Variants in NLGN4X observed in about 807,000 individuals in gnomAD.
NLGN4X encodes the protein neuroligin 4 X-linked.
In NLGN4X, 3 loss-of-function variants were observed where a neutral mutation model predicts 40.3. The ratio of observed to expected loss-of-function variants is 0.07; its 90% confidence interval spans 0.03 to 0.19. The LOEUF is 0.19. Ranked by LOEUF, NLGN4X falls within the 10% of genes least tolerant of loss-of-function variation. The probability of loss-of-function intolerance (pLI) is 1.00; values close to 1 mark genes in which losing one functional copy is unlikely to be tolerated. For synonymous variants in NLGN4X, 270 were observed against 306.8 expected (o/e 0.88, Z 1.25); for missense variants, 382 against 708.3 (o/e 0.54, Z 5.23).
At chrX:6,028,810 A>G (rs1306933793) in intron 3 of NLGN4X, among the ~76,000 whole-genome samples, 3 of 112,637 alleles carry the variant, frequency 2.7e-5, no homozygotes, top group Non-Finnish European at 1.9e-5. Context: ...TGCAAATGCA[A>G]TGGAACCAAA....
intron 4 of NLGN4X, among the ~76,000 whole-genome samples, chrX:5,907,199 T>TA (rs1261836924): frequency 1.8e-5 from 2 of 112,097 alleles, no homozygotes; most frequent in Admixed American, 1.9e-4. Flanking sequence ...CTGAGACGGC[T>TA]ATTAGGAATA....
intron 1 of NLGN4X, among the ~76,000 whole-genome samples, chrX:6,221,785 T>G (rs7887235): frequency 9.1e-6 from 1 of 109,466 alleles, no homozygotes; most frequent in African/African-American, 3.4e-5. Flanking sequence ...CACAGTTCCA[T>G]GCTGAACAGC....
At chrX:5,997,023 A>C (rs916457541) in intron 3 of NLGN4X, among the ~76,000 whole-genome samples, 1 of 111,133 alleles carries the variant, frequency 9.0e-6, no homozygotes, top group Non-Finnish European at 1.9e-5. Flanking sequence ...AAAGAAAAAA[A>C]TTGTATGATT....
intron 5 of NLGN4X, among the ~76,000 whole-genome samples, chrX:5,894,855 A>T (rs1004296702): frequency 8.9e-5 from 10 of 112,319 alleles, no homozygotes; most frequent in Admixed American, 6.6e-4. Flanking sequence ...AATGTTATGT[A>T]CTAGTTAGCA....
At chrX:6,162,548 C>G (rs1391388588) in intron 1 of NLGN4X, among the ~76,000 whole-genome samples, 2 of 111,899 alleles carry the variant, frequency 1.8e-5, no homozygotes, top group Non-Finnish European at 3.8e-5. Context: ...AAACATCAGA[C>G]TCCAAGTCCT....
intron 2 of NLGN4X, among the ~76,000 whole-genome samples, chrX:6,030,394 A>ATGTGTGTG (rs35006258): frequency 0.037 from 3,665 of 100,077 alleles, 185 homozygotes; most frequent in African/African-American, 0.13. Flanking sequence ...GGATACAGAT[A>ATGTGTGTG]TGTGTGTGTG....
At chrX:6,214,333 G>A (rs1407997948) in intron 1 of NLGN4X, among the ~76,000 whole-genome samples, 1 of 111,236 alleles carries the variant, frequency 9.0e-6, no homozygotes, top group East Asian at 2.8e-4. Flanking sequence ...TTGGAGAGTT[G>A]ACAGGGCATA....
At chrX:6,017,715 G>GT (rs2036428792) in intron 3 of NLGN4X, among the ~76,000 whole-genome samples, 2 of 112,029 alleles carry the variant, frequency 1.8e-5, no homozygotes, top group Non-Finnish European at 1.9e-5. Context: ...GCAATATGCA[G>GT]TACCATAGTC....
At chrX:6,124,866 C>A (rs2039506830) in intron 2 of NLGN4X, among the ~76,000 whole-genome samples, 1 of 112,379 alleles carries the variant, frequency 8.9e-6, no homozygotes. Context: ...TTCAAGCACA[C>A]ACCGAACGTT....
rs1281980266 is a variant in NLGN4X, at chrX:6,136,123, G to C, written c.472+14872C>G. Among the ~76,000 whole-genome samples the C allele has an allele frequency of 6.3e-5, 7 of 111,736 alleles. No homozygotes were observed. The Admixed American group carries it at 6.7e-4, about 11-fold the overall frequency. Reference sequence around the variant, plus strand: ...TCTCCCAGGCTCATAGCTGCCATGAGCTATGATTGCAATGGTGCTATCATA... The same window carrying C: ...TCTCCCAGGCTCATAGCTGCCATGACCTATGATTGCAATGGTGCTATCATA... On this transcript the variant is annotated intron_variant, in intron 2 of 5. Transcript: ENST00000381095.
At chrX:6,067,892 A>C (rs1260441980) in intron 2 of NLGN4X, among the ~76,000 whole-genome samples, 1 of 111,376 alleles carries the variant, frequency 9.0e-6, no homozygotes, top group Non-Finnish European at 1.9e-5. Flanking sequence ...TCTCAACTCC[A>C]TTTAGGAGGA....
At chrX:6,161,364 ATAT>A (rs1251985885) in intron 1 of NLGN4X, among the ~76,000 whole-genome samples, 8 of 15,394 alleles carry the variant, frequency 5.2e-4, no homozygotes, top group African/African-American at 3.7e-3. Flanking sequence ...GATATATAAT[ATAT>A]TATTCTATAT....
chrX:5,907,924 A>G (rs1180990463), intron 4 of NLGN4X, among the ~76,000 whole-genome samples: 2 of 102,645 alleles, frequency 1.9e-5, no homozygotes, highest in African/African-American at 7.2e-5. Flanking sequence ...GGACAGAGGG[A>G]AAGGGGGGAA....
chrX:6,132,501 C>T (rs1335779522), intron 2 of NLGN4X, among the ~76,000 whole-genome samples: 1 of 111,681 alleles, frequency 9.0e-6, no homozygotes, highest in Admixed American at 9.5e-5. Context: ...TCACCACCTA[C>T]TCCATGTCAG....
chrX:6,136,935 A>G (rs1261467625), intron 2 of NLGN4X, among the ~76,000 whole-genome samples: 1 of 112,144 alleles, frequency 8.9e-6, no homozygotes, highest in Non-Finnish European at 1.9e-5. Flanking sequence ...AGGAACCAAA[A>G]ATGCAGACAT....
intron 3 of NLGN4X, chrX:5,991,420 C>G: frequency 1.9e-6 from 1 of 516,965 alleles, no homozygotes; most frequent in Non-Finnish European, 3.6e-6. Context: ...ACCTCTAATT[C>G]CATCCTCATT....
intron 2 of NLGN4X, among the ~76,000 whole-genome samples, chrX:6,062,631 T>C (rs1298993293): frequency 1.8e-5 from 2 of 110,922 alleles, no homozygotes; most frequent in Non-Finnish European, 3.8e-5. Flanking sequence ...GCTCTCATAA[T>C]CGTGGGAGGG....
chrX:6,126,425 C>A (rs902952144), intron 2 of NLGN4X, among the ~76,000 whole-genome samples: 1 of 111,011 alleles, frequency 9.0e-6, no homozygotes, highest in African/African-American at 3.3e-5. Context: ...ATTATTTGTA[C>A]ATAATGTCAC....
intron 2 of NLGN4X, among the ~76,000 whole-genome samples, chrX:6,032,190 A>G (rs1408574442): frequency 3.1e-5 from 3 of 98,231 alleles, no homozygotes; most frequent in Non-Finnish European, 4.0e-5. Flanking sequence ...GTTGGAATCA[A>G]TATGTTTGTG....
Sources: allele counts gnomAD v4.1 joint callset (sites outside exome capture counted in the v4.1 genomes callset), GRCh38; gene constraint gnomAD v4.1.1; transcripts MANE v1.5; gene names NCBI Gene and HGNC (gene_info 2026-07-23, HGNC 2026-07-21).